FOXN3: variants seen among roughly 807,000 people sequenced by gnomAD.
FOXN3 encodes forkhead box protein N3.
Under a neutral mutation model 38.4 loss-of-function variants are expected in FOXN3, and 7 were observed. The observed-to-expected ratio is 0.18, with a 90% CI of 0.10 to 0.34. The LOEUF (loss-of-function observed/expected upper bound fraction) is 0.34, where lower values mean the gene tolerates loss of function less well. Among genes scored for constraint, FOXN3 ranks in the 10% least tolerant of loss-of-function variants. FOXN3 has a pLI of 1.00. For synonymous variants in FOXN3, 230 were observed against 242.2 expected, an observed-to-expected ratio of 0.95 and a Z score of 0.47; for missense variants, 456 against 613.4, an observed-to-expected ratio of 0.74 and a Z score of 2.71.
chr14:89,417,545 G>A, upstream of FOXN3: 1 of 240,782 alleles, frequency 4.2e-6, no homozygotes, highest in Non-Finnish European at 8.6e-6. Flanking sequence ...CAGGCGGCGC[G>A]TGCCCTGTCC....
intron 4 of FOXN3, among the ~76,000 whole-genome samples, chr14:89,246,466 G>A (rs1221629697): frequency 6.6e-6 from 1 of 151,188 alleles, no homozygotes; most frequent in East Asian, 1.9e-4. Flanking sequence ...TCTACAGAGT[G>A]GGCAGAGAAT....
chr14:89,372,270 T>G (rs1008236290), intron 2 of FOXN3, among the ~76,000 whole-genome samples: 2 of 152,100 alleles, frequency 1.3e-5, no homozygotes, highest in South Asian at 4.1e-4. Flanking sequence ...AAAACAGAAT[T>G]CATCTTCCTA....
At chr14:89,313,496 T>G (rs1307598554) in intron 3 of FOXN3, among the ~76,000 whole-genome samples, 1 of 151,298 alleles carries the variant, frequency 6.6e-6, no homozygotes, top group Non-Finnish European at 1.5e-5. Context: ...AGGAGAAGGT[T>G]GCAGTGAGCC....
rs547268050 is a variant in FOXN3, at chr14:89,550,780, T to G, written c.-15+68248A>C. On this transcript the variant is annotated intron_variant, in intron 1 of 6. Coordinates refer to the FOXN3 transcript ENST00000345097. ...GAAATGGTATAACTGTGACCACTGT[T>G]TTTTGACTCTTCCCCAGAAGTAAAG... Among the ~76,000 whole-genome samples, 5 of 152,288 alleles carry G rather than the reference T, an allele frequency of 3.3e-5. No homozygotes were observed. The East Asian group carries it at 9.6e-4, about 29-fold the overall frequency.
chr14:89,189,760 C>T (rs1465711697), intron 4 of FOXN3, among the ~76,000 whole-genome samples: 1 of 152,198 alleles, frequency 6.6e-6, no homozygotes, highest in Non-Finnish European at 1.5e-5. Flanking sequence ...TTGTCTCAAA[C>T]TTGACATTGT....
At chr14:89,165,058 TCCGAGAG>T (rs1566918859) in intron 5 of FOXN3, among the ~76,000 whole-genome samples, 1 of 152,154 alleles carries the variant, frequency 6.6e-6, no homozygotes, top group Non-Finnish European at 1.5e-5. Flanking sequence ...TTGCTAGATG[TCCGAGAG>T]CCTCCTGATG....
intron 1 of FOXN3, among the ~76,000 whole-genome samples, chr14:89,599,810 A>G (rs969455621): frequency 6.6e-6 from 1 of 152,212 alleles, no homozygotes; most frequent in Non-Finnish European, 1.5e-5. Context: ...AGGGTTCTCA[A>G]TGAAAGCCTA....
intron 2 of FOXN3, among the ~76,000 whole-genome samples, chr14:89,370,507 G>C (rs776981713): frequency 5.9e-5 from 9 of 152,246 alleles, no homozygotes; most frequent in Non-Finnish European, 1.0e-4. Context: ...GAATCCCAAA[G>C]AGTGGGAAAC....
intron 1 of FOXN3, among the ~76,000 whole-genome samples, chr14:89,460,945 T>G (rs1892833709): frequency 2.0e-5 from 3 of 150,610 alleles, no homozygotes; most frequent in Non-Finnish European, 4.4e-5. Flanking sequence ...GGAGAATCGC[T>G]TGAACCCAGG....
At chr14:89,299,427 T>G (rs1887149674) in intron 3 of FOXN3, among the ~76,000 whole-genome samples, 1 of 152,204 alleles carries the variant, frequency 6.6e-6, no homozygotes, top group Middle Eastern at 3.2e-3. Context: ...TATCCAGTCT[T>G]GGATGTCTTT....
At chr14:89,569,118 T>C (rs1318935548) in intron 1 of FOXN3, among the ~76,000 whole-genome samples, 1 of 152,098 alleles carries the variant, frequency 6.6e-6, no homozygotes, top group African/African-American at 2.4e-5. Flanking sequence ...GGCAGGAGAA[T>C]GGCGTGAACC....
intron 1 of FOXN3, among the ~76,000 whole-genome samples, chr14:89,575,359 G>A (rs978914053): frequency 5.3e-5 from 8 of 152,172 alleles, no homozygotes; most frequent in African/African-American, 1.9e-4. Context: ...AGGAAATTGG[G>A]AGGTCGTTTT....
At chr14:89,220,428 C>T (rs1884427569) in intron 4 of FOXN3, among the ~76,000 whole-genome samples, 1 of 152,210 alleles carries the variant, frequency 6.6e-6, no homozygotes, top group Non-Finnish European at 1.5e-5. Flanking sequence ...TAGTGCTGCA[C>T]CATCTTCAGA....
At chr14:89,290,854 G>T in intron 3 of FOXN3, 1 of 288,414 alleles carries the variant, frequency 3.5e-6, no homozygotes, top group Non-Finnish European at 6.8e-6. Context: ...GAGCATGAAG[G>T]AGAGGACTTT....
At chr14:89,291,639 G>C in intron 3 of FOXN3, 2 of 477,994 alleles carry the variant, frequency 4.2e-6, no homozygotes, top group Non-Finnish European at 8.2e-6. Context: ...ATGCAAATCT[G>C]TGGCCGGCCA....
chr14:89,397,648 T>C (rs1349944526), intron 2 of FOXN3, among the ~76,000 whole-genome samples: 1 of 151,992 alleles, frequency 6.6e-6, no homozygotes, highest in African/African-American at 2.4e-5. Context: ...CTTCCCAAAC[T>C]TATTTCTCTC....
intron 4 of FOXN3, among the ~76,000 whole-genome samples, chr14:89,182,787 C>A (rs1257768937): frequency 6.6e-6 from 1 of 152,124 alleles, no homozygotes; most frequent in Non-Finnish European, 1.5e-5. Context: ...ACATATAGAC[C>A]AATCGAACAG....
At chr14:89,500,829 A>T (rs772823537) in intron 1 of FOXN3, among the ~76,000 whole-genome samples, 1 of 152,312 alleles carries the variant, frequency 6.6e-6, no homozygotes, top group African/African-American at 2.4e-5. Context: ...AGAGAACTTG[A>T]CCAGGAAGGC....
At chr14:89,277,379 G>C (rs1886331104) in intron 4 of FOXN3, among the ~76,000 whole-genome samples, 1 of 152,080 alleles carries the variant, frequency 6.6e-6, no homozygotes, top group Non-Finnish European at 1.5e-5. Context: ...CCCTTCTAAT[G>C]CTCTGCTTGG....
Sources: gnomAD v4.1 joint callset for allele counts (sites outside exome capture counted in the v4.1 genomes callset) on GRCh38, gnomAD v4.1.1 for gene constraint, MANE v1.5 for transcripts, NCBI Gene and HGNC (gene_info 2026-07-23, HGNC 2026-07-21) for gene names.